C12orf42: variants seen among roughly 807,000 people sequenced by gnomAD.
C12orf42 encodes the protein uncharacterized protein C12orf42.
C12orf42 carries 25 observed loss-of-function variants against 21.6 expected under a neutral mutation model. The ratio of observed to expected loss-of-function variants is 1.16; its 90% CI spans 0.84 to 1.62. C12orf42 has a LOEUF of 1.62. Ranked by LOEUF, C12orf42 falls within the 40% of genes most tolerant of loss-of-function variation. The probability of loss-of-function intolerance (pLI) is 0.00; values close to 1 mark genes in which losing one functional copy is unlikely to be tolerated. For synonymous variants in C12orf42, 174 were observed against 175.0 expected (o/e 0.99, Z 0.05); for missense variants, 483 against 459.3 (o/e 1.05, Z -0.47).
intron 2 of C12orf42, among the ~76,000 whole-genome samples, chr12:103,454,910 G>A (rs1246330992): frequency 1.3e-5 from 2 of 152,150 alleles, no homozygotes; most frequent in Non-Finnish European, 2.9e-5. Context: ...TACTAGGTAA[G>A]TGACTTTTAG....
At chr12:103,527,526 T>A in the C12orf42 span, among the ~76,000 whole-genome samples, 1 of 152,228 alleles carries the variant, frequency 6.6e-6, no homozygotes, top group Non-Finnish European at 1.5e-5. Context: ...ATATTGTTGA[T>A]GAGCTAATAA....
chr12:103,321,207 C>T (rs1470827216), intron 4 of C12orf42, among the ~76,000 whole-genome samples: 8 of 151,206 alleles, frequency 5.3e-5, no homozygotes, highest in African/African-American at 1.5e-4. Context: ...GGGCGAAGGA[C>T]ATGAACAGAC....
chr12:103,380,663 G>GA (rs1398558447), intron 3 of C12orf42, among the ~76,000 whole-genome samples: 3 of 152,120 alleles, frequency 2.0e-5, no homozygotes, highest in Non-Finnish European at 2.9e-5. Flanking sequence ...TCTTGAAAGA[G>GA]AAAAATAGCA....
At chr12:103,341,112 C>CAAAAA (rs34154888) in intron 4 of C12orf42, among the ~76,000 whole-genome samples, 548 of 47,654 alleles carry the variant, frequency 0.011, 22 homozygotes, top group African/African-American at 0.037. Context: ...GACTCTGTCT[C>CAAAAA]AAAAAAAAAA....
chr12:103,120,118 T>C, the C12orf42 span, among the ~76,000 whole-genome samples: 1 of 152,224 alleles, frequency 6.6e-6, no homozygotes, highest in African/African-American at 2.4e-5. Context: ...GAGCACCTGC[T>C]ATGTGGTGAG....
the C12orf42 span, among the ~76,000 whole-genome samples, chr12:103,089,268 G>A: frequency 6.6e-6 from 1 of 152,042 alleles, no homozygotes; most frequent in Non-Finnish European, 1.5e-5. Context: ...CACCTTAGCA[G>A]CTCCTGAGCT....
chr12:103,342,005 C>T (rs2042210686), intron 4 of C12orf42, among the ~76,000 whole-genome samples: 1 of 152,002 alleles, frequency 6.6e-6, no homozygotes, highest in South Asian at 2.1e-4. Context: ...CTGGAGAACC[C>T]TGACTAACAG....
At chr12:103,366,756 C>T (rs561772336) in intron 4 of C12orf42, among the ~76,000 whole-genome samples, 6 of 151,880 alleles carry the variant, frequency 4.0e-5, no homozygotes, top group East Asian at 1.9e-4. Context: ...AACCACAATG[C>T]GATACCACCT....
intron 4 of C12orf42, among the ~76,000 whole-genome samples, chr12:103,348,240 G>A (rs1206552279): frequency 2.0e-5 from 3 of 152,252 alleles, no homozygotes; most frequent in South Asian, 2.1e-4. Flanking sequence ...AGATCTACAT[G>A]TGAAGCATTA....
chr12:103,405,291 C>T (rs151052990), intron 2 of C12orf42, among the ~76,000 whole-genome samples: 2 of 152,252 alleles, frequency 1.3e-5, no homozygotes, highest in Non-Finnish European at 2.9e-5. Flanking sequence ...TATAAAAATG[C>T]ATTTAAAATC....
At chr12:103,223,271 C>T in the C12orf42 span, among the ~76,000 whole-genome samples, 1 of 151,924 alleles carries the variant, frequency 6.6e-6, no homozygotes, top group Admixed American at 6.6e-5. Context: ...TCGTGGGAAC[C>T]TAGAGTGGGA....
At chr12:103,250,938 G>A (rs1380691968) in intron 10 of C12orf42, among the ~76,000 whole-genome samples, 1 of 151,746 alleles carries the variant, frequency 6.6e-6, no homozygotes, top group South Asian at 2.1e-4. Context: ...CTACTCCCAT[G>A]ACTTCAAACA....
At chr12:103,526,634 G>A in the C12orf42 span, among the ~76,000 whole-genome samples, 26 of 152,268 alleles carry the variant, frequency 1.7e-4, no homozygotes, top group East Asian at 1.4e-3. Context: ...AACCCCCAAT[G>A]TGACTATGTT....
the C12orf42 span, among the ~76,000 whole-genome samples, chr12:103,224,980 A>C: frequency 6.6e-6 from 1 of 152,174 alleles, no homozygotes; most frequent in Non-Finnish European, 1.5e-5. Flanking sequence ...TTATGCCGAG[A>C]TAGGTAACAG....
At chr12:103,404,978 G>A (rs2048315318) in intron 2 of C12orf42, among the ~76,000 whole-genome samples, 3 of 152,318 alleles carry the variant, frequency 2.0e-5, no homozygotes, top group East Asian at 1.9e-4. Flanking sequence ...AACTGAATCC[G>A]CCATCAGGTC....
the C12orf42 span, among the ~76,000 whole-genome samples, chr12:103,521,226 A>G: frequency 1.4e-3 from 210 of 152,338 alleles, no homozygotes; most frequent in South Asian, 2.7e-3. Context: ...GTCATAGCCT[A>G]GGAAAACAAA....
intron 1 of C12orf42, among the ~76,000 whole-genome samples, chr12:103,486,232 ATG>A (rs1247795860): frequency 6.6e-6 from 1 of 152,158 alleles, no homozygotes; most frequent in Non-Finnish European, 1.5e-5. Context: ...TGAGATAATC[ATG>A]TGTTTTTTGT....
chr12:103,163,092 G>T, the C12orf42 span: 1 of 152,184 alleles, frequency 6.6e-6, no homozygotes, highest in Non-Finnish European at 1.5e-5. Context: ...CAACTTCAGA[G>T]TTCACTTTTT....
intron 2 of C12orf42, among the ~76,000 whole-genome samples, chr12:103,450,832 A>T (rs1951889029): frequency 1.3e-5 from 2 of 152,244 alleles, no homozygotes; most frequent in Non-Finnish European, 1.5e-5. Flanking sequence ...TAAGTTTCTC[A>T]GCCTGCTTTC....
Sources: allele counts gnomAD v4.1 joint callset (sites outside exome capture counted in the v4.1 genomes callset), GRCh38; gene constraint gnomAD v4.1.1; transcripts MANE v1.5; gene names NCBI Gene and HGNC (gene_info 2026-07-23, HGNC 2026-07-21).